Variants in ANKRD42 observed in about 807,000 individuals in gnomAD.
The protein encoded by ANKRD42 is ankyrin repeat domain-containing protein 42.
ANKRD42 carries 43 observed loss-of-function variants against 51.5 expected under a neutral mutation model. The observed-to-expected ratio is 0.83, with a 90% CI of 0.65 to 1.08. The LOEUF (loss-of-function observed/expected upper bound fraction) is 1.08. Ranked by LOEUF, ANKRD42 falls within the 50% of genes least tolerant of loss-of-function variation. The pLI is 0.00. For missense variants in ANKRD42, 608 were observed against 629.3 expected (o/e 0.97, Z 0.36); for synonymous variants, 203 against 213.0 (o/e 0.95, Z 0.41).
chr11:83,256,651 T>G (rs1473062477), downstream of ANKRD42, among the ~76,000 whole-genome samples: 1 of 152,190 alleles, frequency 6.6e-6, no homozygotes. Context: ...GATCTGTCAC[T>G]GGTTTTGGGC....
chr11:83,253,550 A>G (rs1215425757), downstream of ANKRD42, among the ~76,000 whole-genome samples: 1 of 152,192 alleles, frequency 6.6e-6, no homozygotes, highest in Admixed American at 6.5e-5. Context: ...TTTCCCCACA[A>G]GGATTTTTGT....
chr11:83,216,414 C>T (rs112155659), intron 5 of ANKRD42, among the ~76,000 whole-genome samples: 44 of 152,180 alleles, frequency 2.9e-4, no homozygotes, highest in South Asian at 6.2e-4. Context: ...GGCTCCACCC[C>T]CTGGGGTTCA....
At chr11:83,212,528 A>G (rs1228500665) in intron 5 of ANKRD42, 14 of 875,886 alleles carry the variant, frequency 1.6e-5, no homozygotes, top group East Asian at 1.6e-4. Flanking sequence ...TACAAATTCT[A>G]AAGGATAGAT....
chr11:83,212,703 G>T (rs776094907), intron 5 of ANKRD42: 1 of 1,535,980 alleles, frequency 6.5e-7, no homozygotes, highest in East Asian at 2.4e-5. Flanking sequence ...TGGCATGCTG[G>T]ACTTACATAA....
intron 3 of ANKRD42, 74 bp downstream of exon 3, chr11:83,206,239 T>A: frequency 8.2e-7 from 1 of 1,214,738 alleles, no homozygotes; most frequent in Admixed American, 2.1e-5. Context: ...ATTATTCTAA[T>A]TATTTGACTC....
At position 83,210,376 on chromosome 11, in the gene ANKRD42, A is replaced by G. The variant is rs1862265524; in HGVS notation, c.407A>G (p.His136Arg). The G allele has an allele frequency of 4.3e-6, 7 of 1,613,776 alleles. No homozygotes were observed. The highest frequency in any genetic ancestry group is 1.3e-5 in the African/African-American group (1 of 75,042). The change falls in exon 4 of 11, where the codon CAT becomes CGT. Residue 136 changes from histidine to arginine, a missense_variant. By Grantham distance (29) the His-to-Arg change is conservative. Transcript: ENST00000533342. ...GCTPLHLAAT[H>R]GHSFTLQIML... ...ACTCCTTTACATCTTGCTGCAACTC[A>G]TGGACATTCTTTCACTTTACAAATA... is the stretch of plus-strand genomic sequence containing the variant.
chr11:83,248,805 A>G lies in ANKRD42; in HGVS notation c.*601A>G, dbSNP rs930534698. The G allele has an allele frequency of 1.0e-6, 1 of 972,270 alleles. No homozygotes were observed. The highest frequency in any genetic ancestry group is 1.2e-6 in the Non-Finnish European group (1 of 817,984). The allele number at this position is 972,270 out of a possible 1,614,324, so 60.2% of individuals were successfully genotyped here. Reference sequence around the variant, plus strand: ...TAAGTTCCACTCTCCAGAGGAAGCTATTGTTAACAATTTAGTACATACCAT... The same window carrying G: ...TAAGTTCCACTCTCCAGAGGAAGCTGTTGTTAACAATTTAGTACATACCAT... On this transcript the variant is annotated 3_prime_UTR_variant, in exon 11 of 11. Transcript: ENST00000533342.
chr11:83,259,614 G>C (rs570804342), downstream of ANKRD42: 100 of 152,212 alleles, frequency 6.6e-4, no homozygotes, highest in African/African-American at 2.3e-3. Context: ...AACTAATATA[G>C]AGGCCTAAAA....
At chr11:83,211,061 T>C (rs1292792803) in intron 4 of ANKRD42, among the ~76,000 whole-genome samples, 1 of 152,232 alleles carries the variant, frequency 6.6e-6, no homozygotes, top group Non-Finnish European at 1.5e-5. Flanking sequence ...GATGACTAGT[T>C]AAGTTCGTTT....
At chr11:83,212,670 G>C (rs1862369878) in intron 5 of ANKRD42, 1 of 1,535,960 alleles carries the variant, frequency 6.5e-7, no homozygotes, top group African/African-American at 1.4e-5. Context: ...TTAGATCCCT[G>C]TGGAGCCTCT....
intron 5 of ANKRD42, 102 bp downstream of exon 5, chr11:83,211,532 T>A: frequency 7.6e-7 from 1 of 1,319,432 alleles, no homozygotes; most frequent in East Asian, 2.5e-5. Flanking sequence ...CGTGGTGGCT[T>A]ACATCTGTAA....
At chr11:83,223,254 CAAAAAT>C in intron 5 of ANKRD42, among the ~76,000 whole-genome samples, 1 of 152,136 alleles carries the variant, frequency 6.6e-6, no homozygotes, top group South Asian at 2.1e-4. Flanking sequence ...TGTCTCAAAA[CAAAAAT>C]AAAAGGATCA....
At chr11:83,263,874 G>T (rs771524735), downstream of ANKRD42, among the ~76,000 whole-genome samples, 2 of 152,270 alleles carry the variant, frequency 1.3e-5, no homozygotes, top group Non-Finnish European at 1.5e-5. Context: ...CCCCATCCAC[G>T]GTTCAGCTGA....
chr11:83,208,581 G>T (rs1212698676), intron 3 of ANKRD42, among the ~76,000 whole-genome samples: 2 of 152,166 alleles, frequency 1.3e-5, no homozygotes, highest in Non-Finnish European at 2.9e-5. Context: ...GTAAAAATAG[G>T]TGGTGGCAGA....
chr11:83,234,160 A>C (rs892145299), intron 7 of ANKRD42, among the ~76,000 whole-genome samples: 1 of 152,160 alleles, frequency 6.6e-6, no homozygotes, highest in Non-Finnish European at 1.5e-5. Context: ...TTGATCCTTC[A>C]GTCATTCAGA....
intron 2 of ANKRD42, among the ~76,000 whole-genome samples, chr11:83,203,386 T>C (rs903226638): frequency 6.6e-6 from 1 of 151,412 alleles, no homozygotes; most frequent in South Asian, 2.1e-4. Flanking sequence ...GTTTTCCTTT[T>C]TTTCTTTCTT....
At chr11:83,227,408 C>T (rs1019293679) in intron 6 of ANKRD42, among the ~76,000 whole-genome samples, 3 of 152,148 alleles carry the variant, frequency 2.0e-5, no homozygotes, top group South Asian at 2.1e-4. Flanking sequence ...CCACCATGCC[C>T]GGCTTCTAAG....
rs920283410 is a variant in ANKRD42 at position 83,248,766 on chromosome 11, G to A, written c.*562G>A. The A allele has an allele frequency of 4.0e-5, 39 of 975,866 alleles. No homozygotes were observed. The highest frequency in any genetic ancestry group is 4.6e-5 in the Non-Finnish European group (38 of 821,384). 60.5% of individuals were successfully genotyped at this position (975,866 alleles called of 1,614,324 possible). ...GTATAGTGTTAAAAACAAGATAGAT[G>A]TTCCTTCTGACACTAAGTTCCACTC... On this transcript the variant is annotated 3_prime_UTR_variant, in exon 11 of 11. Transcript: ENST00000533342.
rs920480659 is a variant in ANKRD42 at position 83,248,448 on chromosome 11, A to G, written c.*244A>G. ...TAACATTGTACCATAGAAGGAGAAAATGTTTTCATAAGTAATCAATCAGAA... is the reference window on the plus strand; with the variant it reads ...TAACATTGTACCATAGAAGGAGAAAGTGTTTTCATAAGTAATCAATCAGAA... On this transcript the variant is annotated 3_prime_UTR_variant, in exon 11 of 11. Transcript: ENST00000533342. The G allele has an allele frequency of 1.7e-6, 2 of 1,171,950 alleles. No individual in the cohort carries two copies. Among genetic ancestry groups the G allele is most frequent in the African/African-American group, 3.2e-5 (2 of 62,930 alleles). The allele number at this position is 1,171,950 out of a possible 1,614,324, so 72.6% of individuals were successfully genotyped here.
Sources: gnomAD v4.1 joint callset for allele counts (sites outside exome capture counted in the v4.1 genomes callset) on GRCh38, gnomAD v4.1.1 for gene constraint, MANE v1.5 for transcripts, NCBI Gene and HGNC (gene_info 2026-07-23, HGNC 2026-07-21) for gene names.